Variants in ZNF775 observed in about 807,000 individuals in gnomAD.
The protein encoded by ZNF775 is zinc finger protein 775.
ZNF775 carries 1 observed loss-of-function variant against 2.4 expected under a neutral mutation model. The observed-to-expected ratio is 0.41, with a 90% CI of 0.15 to 1.94. The LOEUF (loss-of-function observed/expected upper bound fraction) is 1.94. Among genes scored for constraint, ZNF775 ranks in the 30% most tolerant of loss-of-function variants. The pLI is 0.30. For missense variants in ZNF775, 823 were observed against 826.6 expected (o/e 1.00, Z 0.05); for synonymous variants, 381 against 373.3 (o/e 1.02, Z -0.24).
chr7:150,388,375 C>T (rs1207802286), intron 1 of ZNF775, 47 bp from the exon 2 acceptor site: 1 of 1,473,746 alleles, frequency 6.8e-7, no homozygotes, highest in Non-Finnish European at 9.3e-7. Context: ...GAGTTTTGTC[C>T]TTGTCCCACA....
In ZNF775 at chr7:150,398,235, A is replaced by C. The variant is rs1800721177; in HGVS notation, c.*140A>C. ...GATTCCTTAAGGCTCTGAAGGGCTG[A>C]GAACAGTTCTAGAAGCGTCCCAAAG... On this transcript the variant is annotated 3_prime_UTR_variant, in exon 3 of 3. Transcript: ENST00000329630. The C allele has an allele frequency of 7.4e-7, 1 of 1,348,522 alleles. No individual in the cohort carries two copies. Among genetic ancestry groups the C allele is most frequent in the Admixed American group, 2.8e-5 (1 of 36,260 alleles). The allele number at this position is 1,348,522 out of a possible 1,614,324, so 83.5% of individuals were successfully genotyped here. A position where few individuals can be genotyped will look rare whatever the true frequency, so the allele number is the denominator to read the frequency against.
At position 150,388,409 on chromosome 7, in the gene ZNF775, CTCTT is replaced by C. The variant is rs1398738384; in HGVS notation, c.-49-9_-49-6del. On this transcript the variant is annotated splice_polypyrimidine_tract_variant and intron_variant, in intron 1 of 2. Coordinates refer to ENST00000329630, the MANE Select transcript of ZNF775 (RefSeq NM_173680.4). ...CAGGCCCATTCTCTTTCTTCTGCTTCTCTTTCTGACAGATGGCAGGAAAGGGACA... is the reference window on the plus strand; with the variant it reads ...CAGGCCCATTCTCTTTCTTCTGCTTCTCTGACAGATGGCAGGAAAGGGACA... The C allele has an allele frequency of 1.3e-6, 2 of 1,548,110 alleles. No homozygotes were observed. The highest frequency in any genetic ancestry group is 1.7e-6 in the Non-Finnish European group (2 of 1,144,004).
At chr7:150,385,876 T>A (rs1025997331) in intron 1 of ZNF775, among the ~76,000 whole-genome samples, 1 of 152,202 alleles carries the variant, frequency 6.6e-6, no homozygotes, top group African/African-American at 2.4e-5. Context: ...AGGGGTGATG[T>A]CTTCCTTGAT....
At chr7:150,396,432 C>T in intron 2 of ZNF775, 81 bp from the exon 3 acceptor site, 3 of 1,461,380 alleles carry the variant, frequency 2.1e-6, no homozygotes, top group Non-Finnish European at 1.8e-6. Flanking sequence ...CCACTTCCCT[C>T]TCTCTTGCTC....
chr7:150,391,695 T>C (rs945338405), intron 2 of ZNF775, among the ~76,000 whole-genome samples: 1 of 135,394 alleles, frequency 7.4e-6, no homozygotes, highest in Non-Finnish European at 1.6e-5. Flanking sequence ...CCATTTCTTT[T>C]TCCTTTCTTT....
At chr7:150,387,295 C>CAAA (rs550286754) in intron 1 of ZNF775, among the ~76,000 whole-genome samples, 16 of 102,904 alleles carry the variant, frequency 1.6e-4, no homozygotes, top group African/African-American at 5.4e-4. Context: ...GACTCTGTCT[C>CAAA]AAAAAAAAAA....
At position 150,397,297 on chromosome 7, in the gene ZNF775, C is replaced by T. The variant is rs764137326; in HGVS notation, c.816C>T (p.Pro272=). The T allele has an allele frequency of 2.4e-5, 38 of 1,555,972 alleles. No individual in the cohort carries two copies. In the East Asian group the frequency reaches 8.6e-4, roughly 35 times the overall value. Residue 272 remains proline, a synonymous_variant, in exon 3 of 3, where the codon CCC becomes CCT. Coordinates refer to ENST00000329630, the MANE Select transcript of ZNF775 (RefSeq NM_173680.4). The stretch of plus-strand genomic sequence containing the variant: ...GGGCCCGGGCCGCGGTCTCCGGCCC[C>T]GAGGGGCCGGGCGAGCCGCGCCAGT... The part of the protein sequence containing the change: ...QPGARAAVSG[P]EGPGEPRQFI...
Position 150,398,017 on chromosome 7 carries a change from C to G in ZNF775, c.1536C>G (p.Ser512Arg). The G allele has an allele frequency of 1.3e-6, 2 of 1,582,658 alleles. No homozygotes were observed. Among genetic ancestry groups the G allele is most frequent in the Non-Finnish European group, 1.7e-6 (2 of 1,170,146 alleles). ...YLCPACGRGFSQKQHLLKHQR... is the reference protein window; with the variant it reads ...YLCPACGRGFRQKQHLLKHQR... ...GTCCCGCCTGCGGCCGCGGCTTCAG[C>G]CAGAAGCAGCACCTGCTCAAGCACC... Residue 512 changes from serine to arginine, a missense_variant, in exon 3 of 3, where the codon AGC (serine) becomes AGG (arginine). Coordinates refer to ENST00000329630, the MANE Select transcript of ZNF775 (RefSeq NM_173680.4).
rs752355241 is a variant in ZNF775 at position 150,396,920 on chromosome 7, A to C, written c.439A>C (p.Lys147Gln). 1 of 1,602,062 alleles carries C rather than the reference A, an allele frequency of 6.2e-7. No individual in the cohort carries two copies. Among genetic ancestry groups the C allele is most frequent in the Non-Finnish European group, 8.5e-7 (1 of 1,179,672 alleles). ...CAAGTGCGGCAAGAGCTTCAGCCAG[A>C]AGCCGAACCTGGCGCGCCACCAGCG... The part of the protein sequence containing the change: ...CGKCGKSFSQ[K>Q]PNLARHQRHH... Residue 147 changes from lysine to glutamine, a missense_variant, in exon 3 of 3, where the codon AAG becomes CAG. Lys to Gln is a moderately conservative substitution (Grantham distance 53). Transcript: ENST00000329630.
At position 150,396,791 on chromosome 7, in the gene ZNF775, G is replaced by C; in HGVS notation, c.310G>C (p.Glu104Gln). 1 of 1,597,964 alleles carries C rather than the reference G, an allele frequency of 6.3e-7. No individual in the cohort carries two copies. The highest frequency in any genetic ancestry group is 8.5e-7 in the Non-Finnish European group (1 of 1,174,014). The change falls in exon 3 of 3, where the codon GAG becomes CAG. Residue 104 changes from glutamate to glutamine, a missense_variant. Transcript: ENST00000329630. ...GPLSPSLSSG[E>Q]GHFVCLDCGK... ...CCTGAGCCCCTCGCTTTCCTCCGGC[G>C]AGGGTCACTTTGTATGCCTGGACTG...
At position 150,390,148 on chromosome 7, in the gene ZNF775, G is replaced by A. The variant is rs773785100; in HGVS notation, c.31+1647G>A. Among the ~76,000 whole-genome samples the A allele has an allele frequency of 7.2e-5, 11 of 152,110 alleles. No homozygotes were observed. The East Asian group carries it at 9.7e-4, about 13-fold the overall frequency. ...ATCCTTTTCATGATGACTGAGGAGC[G>A]GTGCCATTATTTCGGGACTCTCCAC... On this transcript the variant is annotated intron_variant, in intron 2 of 2. Transcript: ENST00000329630.
rs140660342 is a variant in ZNF775 at position 150,391,358 on chromosome 7, C to T, written c.31+2857C>T. On this transcript the variant is annotated intron_variant, in intron 2 of 2. Transcript: ENST00000329630. ...CCCCATCTCTACTAAAAATACAAAA[C>T]TTAGCTGGGTGTGGTGGTGGGCGCA... is the stretch of plus-strand genomic sequence containing the variant. 3.9e-3 allele frequency among the ~76,000 whole-genome samples: 599 copies of T among 152,090 alleles called. 5 individuals are homozygous for T. Among genetic ancestry groups the T allele is most frequent in the African/African-American group, 0.013 (558 of 41,496 alleles).
chr7:150,389,684 C>T (rs138214436), intron 2 of ZNF775, among the ~76,000 whole-genome samples: 10 of 152,300 alleles, frequency 6.6e-5, no homozygotes, highest in African/African-American at 2.4e-4. Context: ...ACGGCAGCTT[C>T]TGGGGAACCC....
chr7:150,392,225 A>G (rs1179603927), intron 2 of ZNF775, among the ~76,000 whole-genome samples: 1 of 152,156 alleles, frequency 6.6e-6, no homozygotes, highest in Non-Finnish European at 1.5e-5. Context: ...AACAATCTTC[A>G]CTATGAATCT....
At position 150,397,977 on chromosome 7, in the gene ZNF775, A is replaced by G. The variant is rs1800713779; in HGVS notation, c.1496A>G (p.Glu499Gly). 2 of 1,597,668 alleles carry G rather than the reference A, an allele frequency of 1.3e-6. No individual in the cohort carries two copies. The highest frequency in any genetic ancestry group is 2.2e-5 in the East Asian group (1 of 44,620). The change falls in exon 3 of 3, where the codon GAG becomes GGG. Residue 499 changes from glutamate to glycine, a missense_variant. By Grantham distance (98) the Glu-to-Gly change is moderately conservative. Coordinates refer to ENST00000329630, the MANE Select transcript of ZNF775 (RefSeq NM_173680.4). ...CGGCACCGGCGCAACCACACAGGCG[A>G]GCGGCCCTACCTGTGTCCCGCCTGC... is the stretch of plus-strand genomic sequence containing the variant. ...LTRHRRNHTG[E>G]RPYLCPACGR...
Position 150,396,735 on chromosome 7 carries a change from C to G in ZNF775, c.254C>G (p.Ala85Gly). The change falls in exon 3 of 3, where the codon GCA becomes GGA. Residue 85 changes from alanine to glycine, a missense_variant. Physicochemically the swap from Ala to Gly is moderately conservative, Grantham distance 60. Transcript: ENST00000329630. ...CCCACTGAGCAGGATGCGGGGCTGG[C>G]AGGCCGGGCTCCCGGGTCAGCCTCC... ...APPTEQDAGL[A>G]GRAPGSASGP... 1 of 1,590,954 alleles carries G rather than the reference C, an allele frequency of 6.3e-7. No individual in the cohort carries two copies. Among genetic ancestry groups the G allele is most frequent in the Non-Finnish European group, 8.6e-7 (1 of 1,169,208 alleles).
At chr7:150,386,453 G>A (rs945198694) in intron 1 of ZNF775, among the ~76,000 whole-genome samples, 5 of 152,068 alleles carry the variant, frequency 3.3e-5, no homozygotes, top group African/African-American at 4.8e-5. Flanking sequence ...CCCCTCCCCC[G>A]ACGTCTCTTG....
intron 1 of ZNF775, among the ~76,000 whole-genome samples, chr7:150,383,223 G>A (rs2129620853): frequency 6.6e-6 from 1 of 152,320 alleles, no homozygotes. Context: ...AAAAACATCT[G>A]CTATTAACTG....
chr7:150,379,340 C>T lies in ZNF775; in HGVS notation c.-102C>T, dbSNP rs1800318876. ...ATGGCCAGGGCCGGGAGCCCGGTGC[C>T]CAAGTCGCCCTCGGGGTGGCAGTTC... is the stretch of plus-strand genomic sequence containing the variant. On this transcript the variant is annotated 5_prime_UTR_variant, in exon 1 of 3. Coordinates refer to ENST00000329630, the MANE Select transcript of ZNF775 (RefSeq NM_173680.4). The T allele has an allele frequency of 6.6e-6, 1 of 152,240 alleles. No homozygotes were observed. The highest frequency in any genetic ancestry group is 2.1e-4 in the South Asian group (1 of 4,840). 9.4% of individuals were successfully genotyped at this position (152,240 alleles called of 1,614,324 possible). A position where few individuals can be genotyped will look rare whatever the true frequency, so the allele number is the denominator to read the frequency against.
Sources: allele counts gnomAD v4.1 joint callset (sites outside exome capture counted in the v4.1 genomes callset), GRCh38; gene constraint gnomAD v4.1.1; transcripts MANE v1.5; gene names NCBI Gene and HGNC (gene_info 2026-07-23, HGNC 2026-07-21).